Variants in FHIT observed in about 807,000 individuals in gnomAD.
FHIT encodes the protein fragile histidine triad diadenosine triphosphatase.
Under a neutral mutation model 17.9 loss-of-function variants are expected in FHIT, and 19 were observed. The ratio of observed to expected loss-of-function variants is 1.06; its 90% CI spans 0.74 to 1.56. The LOEUF (loss-of-function observed/expected upper bound fraction) is 1.56, where lower values mean the gene tolerates loss of function less well. Among genes scored for constraint, FHIT ranks in the 40% most tolerant of loss-of-function variants. The probability of loss-of-function intolerance (pLI) is 0.00; values close to 1 mark genes in which losing one functional copy is unlikely to be tolerated. For synonymous variants in FHIT, 81 were observed against 69.7 expected (o/e 1.16, Z -0.81); for missense variants, 248 against 189.2 (o/e 1.31, Z -1.82).
intron 5 of FHIT, among the ~76,000 whole-genome samples, chr3:60,050,730 C>T (rs1236303652): frequency 6.6e-6 from 1 of 152,098 alleles, no homozygotes; most frequent in African/African-American, 2.4e-5. Flanking sequence ...CTCATATTCT[C>T]AACTAGTTTA....
At chr3:60,809,396 G>A (rs902286543) in intron 4 of FHIT, among the ~76,000 whole-genome samples, 1 of 152,150 alleles carries the variant, frequency 6.6e-6, no homozygotes, top group Non-Finnish European at 1.5e-5. Context: ...GCACTAGATA[G>A]TGGGGGTCTT....
chr3:60,703,621 T>C (rs1443913441), intron 4 of FHIT, among the ~76,000 whole-genome samples: 1 of 152,174 alleles, frequency 6.6e-6, no homozygotes, highest in Non-Finnish European at 1.5e-5. Context: ...CTCATTAGTG[T>C]TATTTATCTC....
At chr3:60,211,197 A>G (rs1703436926) in intron 5 of FHIT, among the ~76,000 whole-genome samples, 1 of 151,952 alleles carries the variant, frequency 6.6e-6, no homozygotes, top group Admixed American at 6.6e-5. Context: ...AAAAATGTAT[A>G]GAGTATATAT....
chr3:60,935,067 A>G (rs1708130600), intron 3 of FHIT, among the ~76,000 whole-genome samples: 1 of 152,180 alleles, frequency 6.6e-6, no homozygotes, highest in African/African-American at 2.4e-5. Flanking sequence ...TGTGAGATGC[A>G]TTGAGAGACA....
At chr3:60,126,883 G>A (rs1033438197) in intron 5 of FHIT, among the ~76,000 whole-genome samples, 1 of 152,150 alleles carries the variant, frequency 6.6e-6, no homozygotes. Flanking sequence ...ACTGGCTTGT[G>A]AGTTTCCTCC....
chr3:60,297,353 C>A (rs1708258291), intron 5 of FHIT, among the ~76,000 whole-genome samples: 1 of 152,022 alleles, frequency 6.6e-6, no homozygotes. Context: ...AAATTCTATA[C>A]ATTTTTTGAT....
intron 4 of FHIT, among the ~76,000 whole-genome samples, chr3:60,681,109 G>T (rs1486273679): frequency 6.6e-6 from 1 of 152,146 alleles, no homozygotes; most frequent in Non-Finnish European, 1.5e-5. Flanking sequence ...ACAAGTTGAA[G>T]GTTTGTGGCA....
chr3:60,932,461 G>A (rs1553772049), intron 3 of FHIT, among the ~76,000 whole-genome samples: 1 of 152,146 alleles, frequency 6.6e-6, no homozygotes. Context: ...ACAATGGCAG[G>A]CAGCATTAAG....
At chr3:59,948,444 G>A (rs151332645) in intron 7 of FHIT, among the ~76,000 whole-genome samples, 1,642 of 151,942 alleles carry the variant, frequency 0.011, 30 homozygotes, top group African/African-American at 0.037. Context: ...TTGAATTTGG[G>A]AGGTGGAGGT....
chr3:60,684,908 A>T (rs940025177), intron 4 of FHIT, among the ~76,000 whole-genome samples: 11 of 152,148 alleles, frequency 7.2e-5, no homozygotes, highest in African/African-American at 2.7e-4. Flanking sequence ...GCTTAAAGAC[A>T]CTTGGAAAAA....
At chr3:60,415,485 G>C (rs1702212952) in intron 5 of FHIT, among the ~76,000 whole-genome samples, 1 of 151,382 alleles carries the variant, frequency 6.6e-6, no homozygotes, top group South Asian at 2.1e-4. Flanking sequence ...TCTCCTAAAA[G>C]CATTATGTGA....
Position 60,564,465 on chromosome 3 carries a change from T to C in FHIT, c.-17-27486A>G, listed in dbSNP as rs566310660. Among the ~76,000 whole-genome samples the C allele has an allele frequency of 4.6e-5, 7 of 152,294 alleles. No individual in the cohort carries two copies. In the East Asian group the frequency reaches 7.7e-4, roughly 17 times the overall value. On this transcript the variant is annotated intron_variant, in intron 4 of 9. Transcript: ENST00000492590. ...ACATTTTGTAAGGCTATAACTGTCA[T>C]GGACAGTGACTCCTCTGATGGATCT...
rs71092647 is a variant in FHIT, at chr3:60,859,723, A to ATTTT, written c.-110-37716_-110-37713dup. On this transcript the variant is annotated intron_variant, in intron 3 of 9. Transcript: ENST00000492590. The stretch of plus-strand genomic sequence containing the variant: ...ACATTTGCAGTGGATTCTGAATACG[A>ATTTT]TTTTTTTTTTTTTTTTTTTTTTTTT... Among the ~76,000 whole-genome samples, 12 of 51,926 alleles carry ATTTT rather than the reference A, an allele frequency of 2.3e-4. 2 individuals carry two copies. Among genetic ancestry groups the ATTTT allele is most frequent in the African/African-American group, 8.3e-4 (11 of 13,222 alleles). 34.1% of individuals were successfully genotyped at this position (51,926 alleles called of 152,430 possible).
intron 5 of FHIT, among the ~76,000 whole-genome samples, chr3:60,071,167 C>T (rs1336425283): frequency 6.6e-6 from 1 of 152,102 alleles, no homozygotes; most frequent in African/African-American, 2.4e-5. Context: ...GGCTCCTGAG[C>T]ACCTGAATTG....
chr3:61,150,569 T>G (rs897800839), intron 2 of FHIT, among the ~76,000 whole-genome samples: 4 of 152,160 alleles, frequency 2.6e-5, no homozygotes, highest in Non-Finnish European at 5.9e-5. Flanking sequence ...CTCATAACTT[T>G]CAAATGTTCC....
chr3:61,053,276 C>T (rs2034093045), intron 2 of FHIT, among the ~76,000 whole-genome samples: 1 of 152,020 alleles, frequency 6.6e-6, no homozygotes, highest in Non-Finnish European at 1.5e-5. Context: ...AAGAATGATG[C>T]CCACAATACA....
chr3:60,251,128 G>C (rs1052835307), intron 5 of FHIT, among the ~76,000 whole-genome samples: 1 of 152,194 alleles, frequency 6.6e-6, no homozygotes, highest in African/African-American at 2.4e-5. Flanking sequence ...CGAGGGGAAA[G>C]AGCTTTCACT....
intron 8 of FHIT, among the ~76,000 whole-genome samples, chr3:59,876,881 C>T (rs73100612): frequency 0.022 from 3,393 of 152,322 alleles, 46 homozygotes; most frequent in South Asian, 0.062. Context: ...GCCTAAGCCA[C>T]TGATAGGAAT....
At chr3:60,637,535 A>C (rs2039619435) in intron 4 of FHIT, among the ~76,000 whole-genome samples, 1 of 152,150 alleles carries the variant, frequency 6.6e-6, no homozygotes, top group Admixed American at 6.5e-5. Context: ...AACTGCTACC[A>C]TCACTACTAC....
Sources: allele counts gnomAD v4.1 joint callset (sites outside exome capture counted in the v4.1 genomes callset), GRCh38; gene constraint gnomAD v4.1.1; transcripts MANE v1.5; gene names NCBI Gene and HGNC (gene_info 2026-07-23, HGNC 2026-07-21).